Variants in DPP10 observed in about 807,000 individuals in gnomAD.
DPP10 encodes dipeptidyl peptidase like 10, also known as inactive dipeptidyl peptidase 10.
A neutral mutation model predicts 120.9 loss-of-function variants in DPP10; 33 were observed. That is an observed-to-expected ratio of 0.27 (90% confidence interval 0.21 to 0.37). The LOEUF (loss-of-function observed/expected upper bound fraction) is 0.37, where lower values mean the gene tolerates loss of function less well. Ranked by LOEUF, DPP10 falls within the 10% of genes least tolerant of loss-of-function variation. The pLI is 1.00. For missense variants in DPP10, 816 were observed against 942.8 expected, an observed-to-expected ratio of 0.87 and a Z score of 1.76; for synonymous variants, 337 against 326.1, an observed-to-expected ratio of 1.03 and a Z score of -0.36.
chr2:115,326,810 A>G (rs2106138860), intron 2 of DPP10, among the ~76,000 whole-genome samples: 1 of 152,222 alleles, frequency 6.6e-6, no homozygotes, highest in East Asian at 1.9e-4. Context: ...TTTTAAGCTA[A>G]GTGTTATTAG....
At chr2:115,785,178 G>C (rs771464242) in intron 17 of DPP10, among the ~76,000 whole-genome samples, 5 of 152,178 alleles carry the variant, frequency 3.3e-5, no homozygotes, top group African/African-American at 7.2e-5. Flanking sequence ...AACTGCTCTG[G>C]GTTGTTTATT....
At chr2:115,217,708 AT>A (rs746285385) in intron 1 of DPP10, among the ~76,000 whole-genome samples, 5 of 152,288 alleles carry the variant, frequency 3.3e-5, no homozygotes, top group African/African-American at 4.8e-5. Context: ...TTTTTGGAAA[AT>A]CACACCATTG....
At position 115,009,467 on chromosome 2, in the gene DPP10, T is replaced by A. The variant is rs1304573085; in HGVS notation, c.61-299772T>A. On this transcript the variant is annotated intron_variant, in intron 1 of 25. Transcript: ENST00000410059. ...TGGGGAGGGATAGCATTGGGAGATA[T>A]ACCTAATGCTAGATGACGAGTTAGT... 2.6e-5 allele frequency among the ~76,000 whole-genome samples: 4 copies of A among 151,812 alleles called. No individual in the cohort carries two copies. The East Asian group carries it at 7.8e-4, about 29-fold the overall frequency.
intron 5 of DPP10, among the ~76,000 whole-genome samples, chr2:115,565,017 C>A (rs777913027): frequency 1.3e-5 from 2 of 152,012 alleles, no homozygotes; most frequent in African/African-American, 4.8e-5. Context: ...CTGGCACCAA[C>A]TGGCCTTCTT....
intron 1 of DPP10, among the ~76,000 whole-genome samples, chr2:115,291,460 A>G (rs931346946): frequency 2.0e-5 from 3 of 152,172 alleles, no homozygotes; most frequent in African/African-American, 7.2e-5. Flanking sequence ...CAAATTTCCA[A>G]TAGCTGGTAA....
At chr2:114,827,959 T>G (rs1374383886) in intron 1 of DPP10, among the ~76,000 whole-genome samples, 1 of 152,254 alleles carries the variant, frequency 6.6e-6, no homozygotes, top group African/African-American at 2.4e-5. Context: ...AGATTTTTAT[T>G]CAGAGTACAC....
At chr2:114,786,401 C>T (rs1016768940) in intron 1 of DPP10, among the ~76,000 whole-genome samples, 10 of 152,288 alleles carry the variant, frequency 6.6e-5, no homozygotes, top group African/African-American at 1.9e-4. Context: ...CATTGCTCTG[C>T]CTCAGTGATT....
At chr2:114,728,672 A>G (rs1407287131) in intron 1 of DPP10, among the ~76,000 whole-genome samples, 1 of 152,172 alleles carries the variant, frequency 6.6e-6, no homozygotes, top group Non-Finnish European at 1.5e-5. Flanking sequence ...CCTACTCTAC[A>G]GGGTAAAATT....
At chr2:114,902,608 A>G (rs942884983) in intron 1 of DPP10, among the ~76,000 whole-genome samples, 2 of 152,170 alleles carry the variant, frequency 1.3e-5, no homozygotes, top group African/African-American at 4.8e-5. Context: ...CTGCATCCCC[A>G]AATAAAAAGC....
At chr2:115,439,723 A>G (rs968264509) in intron 3 of DPP10, among the ~76,000 whole-genome samples, 1 of 152,218 alleles carries the variant, frequency 6.6e-6, no homozygotes, top group Non-Finnish European at 1.5e-5. Flanking sequence ...ATCCTTAAAG[A>G]AAATCGAAAT....
chr2:114,886,151 T>G (rs965393933), intron 1 of DPP10, among the ~76,000 whole-genome samples: 2 of 152,192 alleles, frequency 1.3e-5, no homozygotes, highest in African/African-American at 4.8e-5. Flanking sequence ...GCTGGAAGAA[T>G]GTACACTTTT....
intron 1 of DPP10, chr2:115,161,707 C>T: frequency 2.6e-6 from 1 of 383,904 alleles, no homozygotes; most frequent in East Asian, 4.1e-5. Context: ...CGGCTCGCTG[C>T]GCTTTGGGTG....
chr2:115,811,483 T>C (rs944212006), intron 19 of DPP10, among the ~76,000 whole-genome samples: 3 of 152,242 alleles, frequency 2.0e-5, no homozygotes, highest in Non-Finnish European at 4.4e-5. Context: ...TTTTAAACTC[T>C]ATCTTAAAAT....
intron 1 of DPP10, among the ~76,000 whole-genome samples, chr2:114,634,646 C>A (rs1017739506): frequency 9.9e-5 from 15 of 151,834 alleles, no homozygotes; most frequent in Non-Finnish European, 1.8e-4. Context: ...TTTATTTTAC[C>A]CACTTATGAA....
intron 1 of DPP10, among the ~76,000 whole-genome samples, chr2:114,813,732 A>G (rs1241954901): frequency 6.8e-6 from 1 of 146,482 alleles, no homozygotes; most frequent in Non-Finnish European, 1.5e-5. Context: ...TTTTTTTTTC[A>G]CTGTACAGTT....
chr2:115,712,543 A>AATATATATATATATATATATATATATAT (rs1553486145), intron 7 of DPP10, among the ~76,000 whole-genome samples: 3 of 64,290 alleles, frequency 4.7e-5, no homozygotes, highest in Non-Finnish European at 5.8e-5. Context: ...TCCTGAATTA[A>AATATATATATATATATATATATATATAT]ATATATATAT....
intron 1 of DPP10, among the ~76,000 whole-genome samples, chr2:114,629,837 A>T (rs1393794713): frequency 1.3e-5 from 2 of 152,206 alleles, no homozygotes; most frequent in Non-Finnish European, 2.9e-5. Context: ...GTAACTTTTT[A>T]AAATATTCAA....
intron 1 of DPP10, among the ~76,000 whole-genome samples, chr2:115,004,666 T>TA (rs761568837): frequency 3.9e-5 from 6 of 152,120 alleles, no homozygotes; most frequent in Non-Finnish European, 7.4e-5. Context: ...CCGTTGGGCT[T>TA]AAAAAACGGC....
intron 5 of DPP10, among the ~76,000 whole-genome samples, chr2:115,589,265 A>C (rs886331407): frequency 2.6e-5 from 4 of 152,192 alleles, no homozygotes; most frequent in Non-Finnish European, 5.9e-5. Context: ...ATTCACCAAA[A>C]TGCAAATATT....
Sources: gnomAD v4.1 joint callset for allele counts (sites outside exome capture counted in the v4.1 genomes callset) on GRCh38, gnomAD v4.1.1 for gene constraint, MANE v1.5 for transcripts, NCBI Gene and HGNC (gene_info 2026-07-23, HGNC 2026-07-21) for gene names.